Variants in NPC1 observed in about 807,000 individuals in gnomAD.
NPC1 encodes the protein Niemann-Pick C1 protein.
A neutral mutation model predicts 140.4 loss-of-function variants in NPC1; 85 were observed. The ratio of observed to expected loss-of-function variants is 0.61; its 90% CI spans 0.51 to 0.72. NPC1 has a LOEUF of 0.72. Ranked by LOEUF, NPC1 falls within the 30% of genes least tolerant of loss-of-function variation. The pLI is 0.00. For missense variants in NPC1, 1,504 were observed against 1,623.8 expected, an observed-to-expected ratio of 0.93 and a Z score of 1.27; for synonymous variants, 656 against 624.8, an observed-to-expected ratio of 1.05 and a Z score of -0.74.
chr18:23,531,980 G>A lies in NPC1; in HGVS notation c.*222C>T. On this transcript the variant is annotated 3_prime_UTR_variant, in exon 25 of 25. Coordinates refer to ENST00000269228, the MANE Select transcript of NPC1 (RefSeq NM_000271.5). ...TGAGGTTTCTTTCCTGAAGAGGCTG[G>A]GAGAAGTTTAGTGTCCTGTGGTTGC... 3.4e-6 allele frequency: 5 copies of A among 1,455,860 alleles called. No homozygotes were observed. Among genetic ancestry groups the A allele is most frequent in the Non-Finnish European group, 4.5e-6 (5 of 1,111,284 alleles). The allele number at this position is 1,455,860 out of a possible 1,614,324, so 90.2% of individuals were successfully genotyped here. A position where few individuals can be genotyped will look rare whatever the true frequency, so the allele number is the denominator to read the frequency against.
chr18:23,539,635 G>T, intron 18 of NPC1, 165 bp from the exon 19 acceptor site: 1 of 816,386 alleles, frequency 1.2e-6, no homozygotes. Flanking sequence ...AGTATTAGGT[G>T]GTAAATTAGT....
At chr18:23,533,973 TTATC>T (rs1190279634) in intron 23 of NPC1, 2 of 315,048 alleles carry the variant, frequency 6.3e-6, no homozygotes, top group East Asian at 1.6e-4. Context: ...TCCCAATTGA[TTATC>T]TTTCTTTATA....
Position 23,536,868 on chromosome 18 carries a change from G to C in NPC1, c.3050C>G (p.Ala1017Gly). The C allele has an allele frequency of 6.2e-7, 1 of 1,613,726 alleles. No individual in the cohort carries two copies. Among genetic ancestry groups the C allele is most frequent in the Non-Finnish European group, 8.5e-7 (1 of 1,179,838 alleles). ...PNPKCGKGGH[A>G]AYSSAVNILL... is the part of the protein sequence containing the mutation. ...GATGTTAACTGCAGAACTATAGGCA[G>C]CATGTCCCCTGAGGAAAGAATCCTG... is the stretch of plus-strand genomic sequence containing the variant. Residue 1017 changes from alanine (A) to glycine (G), a missense_variant, in exon 21 of 25, where the codon GCT becomes GGT. Physicochemically the swap from Ala to Gly is moderately conservative, Grantham distance 60. Coordinates refer to ENST00000269228, the MANE Select transcript of NPC1 (RefSeq NM_000271.5).
chr18:23,541,399 G>A lies in NPC1; in HGVS notation c.2280C>T (p.Phe760=). The A allele has an allele frequency of 1.2e-6, 2 of 1,614,228 alleles. No homozygotes were observed. Among genetic ancestry groups the A allele is most frequent in the Non-Finnish European group, 1.7e-6 (2 of 1,180,040 alleles). The change falls in exon 15 of 25, where the codon TTC becomes TTT. Residue 760 remains phenylalanine, a synonymous_variant. Transcript: ENST00000269228. The stretch of plus-strand genomic sequence containing the variant: ...AGACTGCCAATCCCGCAAAGAGAGA[G>A]AAGGTGTGCACGGCTGGCATCACGG... ...ALSVMPAVHT[F]SLFAGLAVFI... is the part of the protein sequence containing the mutation.
chr18:23,555,025 T>C, intron 8 of NPC1, 41 bp from the exon 9 acceptor site: 1 of 1,255,848 alleles, frequency 8.0e-7, no homozygotes, highest in Non-Finnish European at 1.2e-6. Context: ...CAGAAACACG[T>C]CACATTTCTC....
downstream of NPC1, among the ~76,000 whole-genome samples, chr18:23,530,857 T>TCAGG: frequency 6.6e-6 from 1 of 152,276 alleles, no homozygotes; most frequent in South Asian, 2.1e-4. Flanking sequence ...AGGACCCAGA[T>TCAGG]CAGGCACAGC....
rs773750866 is a variant in NPC1, at chr18:23,586,437, G to T, written c.-94C>A. On this transcript the variant is annotated 5_prime_UTR_variant, in exon 1 of 25. Transcript: ENST00000269228. ...CTTCCCCGGGCTGTTTCAGCACCCC[G>T]CGCAGGAGGAGCGGAGGAGCAGGAG... is the stretch of plus-strand genomic sequence containing the variant. The T allele has an allele frequency of 2.9e-4, 433 of 1,513,096 alleles. 1 individual carries two copies. Among genetic ancestry groups the T allele is most frequent in the Non-Finnish European group, 3.4e-4 (390 of 1,136,874 alleles). The allele number at this position is 1,513,096 out of a possible 1,614,324, so 93.7% of individuals were successfully genotyped here. A position where few individuals can be genotyped will look rare whatever the true frequency, so the allele number is the denominator to read the frequency against.
At position 23,534,536 on chromosome 18, in the gene NPC1, G is replaced by A; in HGVS notation, c.3501C>T (p.Phe1167=). 1 of 1,614,014 alleles carries A rather than the reference G, an allele frequency of 6.2e-7. No individual in the cohort carries two copies. The highest frequency in any genetic ancestry group is 1.1e-5 in the South Asian group (1 of 91,056). Residue 1167 remains phenylalanine, a synonymous_variant, in exon 23 of 25, where the codon TTC becomes TTT. Transcript: ENST00000269228. The part of the protein sequence containing the change: ...LVMSCGISVE[F]CSHITRAFTV... ...TGAACGCTCTGGTTATGTGGCTGCA[G>A]AACTCCACGGAGATGCCACAGCTCT...
rs563396990 is a variant in NPC1 at position 23,531,559 on chromosome 18, G to T, written c.*643C>A. ...GTTAAAACCCAGTAGACACACCTAC[G>T]AGATGCTTTCTTTGTCCCTCATTTC... On this transcript the variant is annotated 3_prime_UTR_variant, in exon 25 of 25. Coordinates refer to ENST00000269228, the MANE Select transcript of NPC1 (RefSeq NM_000271.5). 1.3e-6 allele frequency: 2 copies of T among 1,584,828 alleles called. No homozygotes were observed. The highest frequency in any genetic ancestry group is 1.4e-5 in the African/African-American group (1 of 73,392).
At chr18:23,510,817 A>G (rs2057835313) in intron 3 of NPC1, among the ~76,000 whole-genome samples, 1 of 152,264 alleles carries the variant, frequency 6.6e-6, no homozygotes, top group Non-Finnish European at 1.5e-5. Flanking sequence ...TAAAAAAGTC[A>G]AAGAATAACA....
At chr18:23,577,239 C>T (rs2059296828) in intron 1 of NPC1, among the ~76,000 whole-genome samples, 1 of 151,112 alleles carries the variant, frequency 6.6e-6, no homozygotes, top group Non-Finnish European at 1.5e-5. Flanking sequence ...AAACCTTGAG[C>T]TAGATACAGA....
chr18:23,539,241 A>AC, intron 19 of NPC1, 114 bp downstream of exon 19: 1 of 747,966 alleles, frequency 1.3e-6, no homozygotes, highest in Admixed American at 2.0e-5. Context: ...ACACAGGGAG[A>AC]CCCAGCTTTG....
rs2059419256 is a variant in NPC1, at chr18:23,586,366, G to A, written c.-23C>T. On this transcript the variant is annotated 5_prime_UTR_variant, in exon 1 of 25. Coordinates refer to ENST00000269228, the MANE Select transcript of NPC1 (RefSeq NM_000271.5). ...CATGCTGTGGCCGCGCAAGGCTGCT[G>A]ACGCCGGCGGCGTTCGGCTGGTTGG... The A allele has an allele frequency of 2.0e-6, 3 of 1,531,606 alleles. No homozygotes were observed. Among genetic ancestry groups the A allele is most frequent in the African/African-American group, 1.4e-5 (1 of 72,540 alleles). 94.9% of individuals were successfully genotyped at this position (1,531,606 alleles called of 1,614,324 possible). A position where few individuals can be genotyped will look rare whatever the true frequency, so the allele number is the denominator to read the frequency against.
chr18:23,575,191 G>C (rs1049397744), intron 1 of NPC1, among the ~76,000 whole-genome samples: 10 of 152,238 alleles, frequency 6.6e-5, no homozygotes, highest in Admixed American at 5.9e-4. Context: ...CTGACAAACA[G>C]GACGGGTGTC....
chr18:23,573,766 G>A (rs2059236170), intron 1 of NPC1, among the ~76,000 whole-genome samples, 192 bp from the exon 2 acceptor site: 1 of 152,204 alleles, frequency 6.6e-6, no homozygotes. Context: ...AGTCAGTGAA[G>A]TAGGTAATGG....
chr18:23,560,068 TG>T (rs2059015840), intron 6 of NPC1, among the ~76,000 whole-genome samples, 162 bp downstream of exon 6: 1 of 152,224 alleles, frequency 6.6e-6, no homozygotes, highest in African/African-American at 2.4e-5. Flanking sequence ...AGAACTTTGA[TG>T]GTTTACTATA....
intron 9 of NPC1, among the ~76,000 whole-genome samples, chr18:23,554,330 G>C (rs1157577164): frequency 1.3e-5 from 2 of 152,210 alleles, no homozygotes; most frequent in African/African-American, 4.8e-5. Context: ...TTCCAGCTGG[G>C]CATGGAAGCT....
At chr18:23,537,713 T>G (rs1211834535) in intron 20 of NPC1, among the ~76,000 whole-genome samples, 1 of 152,210 alleles carries the variant, frequency 6.6e-6, no homozygotes, top group Non-Finnish European at 1.5e-5. Context: ...GCTACTGCCT[T>G]CAGAAAAACT....
rs759856778 is a variant in NPC1, at chr18:23,535,571, G to A, written c.3375C>T (p.Val1125=). The change falls in exon 22 of 25, where the codon GTC becomes GTT. Residue 1125 remains valine (V), a synonymous_variant. Coordinates refer to ENST00000269228, the MANE Select transcript of NPC1 (RefSeq NM_000271.5). ...VLLGCELWSA[V]IMCATIAMVL... is the part of the protein sequence containing the mutation. ...CCATGGCGATGGTGGCACACATGAT[G>A]ACTGCAGACCAGAGCTCACAGCCCA... The A allele has an allele frequency of 1.9e-6, 3 of 1,614,116 alleles. No homozygotes were observed. The highest frequency in any genetic ancestry group is 2.5e-6 in the Non-Finnish European group (3 of 1,179,994).
Sources: gnomAD v4.1 joint callset for allele counts (sites outside exome capture counted in the v4.1 genomes callset) on GRCh38, gnomAD v4.1.1 for gene constraint, MANE v1.5 for transcripts, NCBI Gene and HGNC (gene_info 2026-07-23, HGNC 2026-07-21) for gene names.